The following RALGAPA1 variants were observed in gnomAD, a reference collection of about 807,000 sequenced individuals.
RALGAPA1 encodes the protein Ral GTPase activating protein catalytic subunit alpha 1, also known as ral GTPase-activating protein subunit alpha-1.
RALGAPA1 carries 52 observed loss-of-function variants against 269.6 expected under a neutral mutation model. That is an observed-to-expected ratio of 0.19 (90% CI 0.15 to 0.24). RALGAPA1 has a LOEUF of 0.24. Ranked by LOEUF, RALGAPA1 falls within the 10% of genes least tolerant of loss-of-function variation. The pLI, the probability that RALGAPA1 is intolerant of heterozygous loss-of-function variation, is 1.00. For missense variants in RALGAPA1, 1,917 were observed against 3,013.9 expected, an observed-to-expected ratio of 0.64 and a Z score of 8.52; for synonymous variants, 817 against 1,008.3, an observed-to-expected ratio of 0.81 and a Z score of 3.60.
rs905799840 is a variant in RALGAPA1 at position 35,684,137 on chromosome 14, T to C, written c.4295-152A>G. On this transcript the variant is annotated intron_variant, in intron 20 of 41. Coordinates refer to ENST00000680220, the MANE Select transcript of RALGAPA1 (RefSeq NM_001346249.2). ...AGACAAGTGTAAATAATCTTAATACTCTGAAGATTATAAGTAGATCGGGAT... is the reference window on the plus strand; with the variant it reads ...AGACAAGTGTAAATAATCTTAATACCCTGAAGATTATAAGTAGATCGGGAT... 17 of 602,106 alleles carry C rather than the reference T, an allele frequency of 2.8e-5. No individual in the cohort carries two copies. In the African/African-American group the frequency reaches 3.2e-4, roughly 11 times the overall value. The allele number at this position is 602,106 out of a possible 1,614,324, so 37.3% of individuals were successfully genotyped here.
chr14:35,691,377 C>CA (rs892620831), intron 17 of RALGAPA1, among the ~76,000 whole-genome samples: 84 of 150,118 alleles, frequency 5.6e-4, no homozygotes, highest in African/African-American at 1.3e-3. Context: ...CTAGAAATAA[C>CA]AAAAAAAAAT....
chr14:35,652,335 C>A (rs1444789599), intron 30 of RALGAPA1, among the ~76,000 whole-genome samples: 1 of 151,326 alleles, frequency 6.6e-6, no homozygotes, highest in Non-Finnish European at 1.5e-5. Flanking sequence ...CTGAAGAAAT[C>A]TACTCTATTG....
In RALGAPA1 at chr14:35,809,040, A is replaced by G; in HGVS notation, c.-205T>C. Reference sequence around the variant, plus strand: ...CCGCCTCGCGCCGCGGCTCCAAGGCACCTTCGGCCCCAGCTCCAATATGGC... The same window carrying G: ...CCGCCTCGCGCCGCGGCTCCAAGGCGCCTTCGGCCCCAGCTCCAATATGGC... On this transcript the variant is annotated 5_prime_UTR_variant, in exon 1 of 42. Transcript: ENST00000680220. 1 of 896,918 alleles carries G rather than the reference A, an allele frequency of 1.1e-6. No homozygotes were observed. Among genetic ancestry groups the G allele is most frequent in the Non-Finnish European group, 1.6e-6 (1 of 617,424 alleles). 55.6% of individuals were successfully genotyped at this position (896,918 alleles called of 1,614,324 possible).
chr14:35,639,842 G>A (rs916918019), intron 31 of RALGAPA1, among the ~76,000 whole-genome samples: 12 of 151,938 alleles, frequency 7.9e-5, no homozygotes, highest in African/African-American at 2.9e-4. Flanking sequence ...GGGAGGCTGA[G>A]GCAGGAGAAT....
chr14:35,694,770 A>G (rs532369421), intron 17 of RALGAPA1, among the ~76,000 whole-genome samples: 1 of 152,110 alleles, frequency 6.6e-6, no homozygotes, highest in Non-Finnish European at 1.5e-5. Flanking sequence ...TTTTCTTGAG[A>G]TGTTCTTTTT....
chr14:35,718,725 A>G (rs962060079), intron 16 of RALGAPA1, among the ~76,000 whole-genome samples: 2 of 152,148 alleles, frequency 1.3e-5, no homozygotes, highest in African/African-American at 4.8e-5. Context: ...CTGAGGCAGG[A>G]GAATTGCCTG....
chr14:35,552,497 T>C (rs1325234543), intron 39 of RALGAPA1, among the ~76,000 whole-genome samples: 1 of 152,124 alleles, frequency 6.6e-6, no homozygotes, highest in East Asian at 1.9e-4. Context: ...TGAGTGCCTG[T>C]TGCCATTGGC....
At chr14:35,626,562 C>T (rs2061000105) in intron 34 of RALGAPA1, among the ~76,000 whole-genome samples, 2 of 152,110 alleles carry the variant, frequency 1.3e-5, no homozygotes, top group African/African-American at 4.8e-5. Flanking sequence ...GCCTGAGGCT[C>T]AAAAGTTAAG....
chr14:35,751,264 CTA>C (rs932030093), intron 8 of RALGAPA1, among the ~76,000 whole-genome samples: 5 of 152,174 alleles, frequency 3.3e-5, no homozygotes, highest in Non-Finnish European at 7.3e-5. Flanking sequence ...TTGCACCAAT[CTA>C]TATAAATACT....
intron 39 of RALGAPA1, among the ~76,000 whole-genome samples, chr14:35,561,513 T>G (rs942912832): frequency 1.7e-4 from 23 of 138,282 alleles, no homozygotes; most frequent in South Asian, 1.2e-3. Flanking sequence ...GGAGTTTTTT[T>G]TTTTTTTTTT....
At chr14:35,658,807 A>G (rs960631026) in intron 28 of RALGAPA1, among the ~76,000 whole-genome samples, 5 of 151,872 alleles carry the variant, frequency 3.3e-5, no homozygotes, top group African/African-American at 7.2e-5. Flanking sequence ...GGTACCTGCT[A>G]CTGCATTTCA....
chr14:35,782,101 T>C (rs2075473970), intron 1 of RALGAPA1, among the ~76,000 whole-genome samples: 1 of 152,208 alleles, frequency 6.6e-6, no homozygotes, highest in Non-Finnish European at 1.5e-5. Flanking sequence ...CAAAAAATCC[T>C]ATCTGACTGA....
At chr14:35,578,579 A>T (rs1226498954) in intron 37 of RALGAPA1, among the ~76,000 whole-genome samples, 3 of 152,238 alleles carry the variant, frequency 2.0e-5, no homozygotes, top group African/African-American at 7.2e-5. Context: ...GTTTCTTGAA[A>T]ACAACAGGCA....
chr14:35,775,188 A>G (rs2074930912), intron 2 of RALGAPA1, 133 bp from the exon 3 acceptor site: 1 of 612,594 alleles, frequency 1.6e-6, no homozygotes, highest in Non-Finnish European at 2.9e-6. Flanking sequence ...TATTCCATTC[A>G]TTGTGTAGAC....
intron 39 of RALGAPA1, among the ~76,000 whole-genome samples, chr14:35,551,328 A>T (rs2054983122): frequency 6.6e-6 from 1 of 152,210 alleles, no homozygotes; most frequent in Admixed American, 6.5e-5. Flanking sequence ...GGCCCTAGAA[A>T]TTCCCAGTGG....
intron 39 of RALGAPA1, among the ~76,000 whole-genome samples, chr14:35,552,679 C>A (rs1259474746): frequency 6.7e-6 from 1 of 148,640 alleles, no homozygotes; most frequent in Non-Finnish European, 1.5e-5. Context: ...ATGAGGGAGA[C>A]TTTTAGCTAG....
At chr14:35,672,779 C>A in intron 25 of RALGAPA1, 88 bp downstream of exon 25, 4 of 1,250,096 alleles carry the variant, frequency 3.2e-6, no homozygotes, top group Non-Finnish European at 3.2e-6. Context: ...AACTTCTAGA[C>A]CTTAAAAAGC....
chr14:35,721,931 A>C (rs956635608), intron 15 of RALGAPA1, 82 bp from the exon 16 acceptor site: 39 of 1,190,622 alleles, frequency 3.3e-5, no homozygotes, highest in Admixed American at 5.6e-5. Context: ...CTTGCCTCAG[A>C]GTCTTAGGTT....
At chr14:35,705,262 CA>C (rs1159913656) in intron 16 of RALGAPA1, among the ~76,000 whole-genome samples, 2 of 152,146 alleles carry the variant, frequency 1.3e-5, no homozygotes, top group Non-Finnish European at 2.9e-5. Flanking sequence ...TATACCATTA[CA>C]AGTATCATAC....
Sources: gnomAD v4.1 joint callset for allele counts (sites outside exome capture counted in the v4.1 genomes callset) on GRCh38, gnomAD v4.1.1 for gene constraint, MANE v1.5 for transcripts, NCBI Gene and HGNC (gene_info 2026-07-23, HGNC 2026-07-21) for gene names.